Variants in FANCD2 observed in about 807,000 individuals in gnomAD.
FANCD2 encodes Fanconi anemia group D2 protein.
FANCD2 carries 131 observed loss-of-function variants against 192.3 expected under a neutral mutation model. The observed-to-expected ratio is 0.68, with a 90% CI of 0.59 to 0.79. FANCD2 has a LOEUF of 0.79. FANCD2 is among the 30% of genes least tolerant of loss of function. The probability of loss-of-function intolerance (pLI) is 0.00; values close to 1 mark genes in which losing one functional copy is unlikely to be tolerated. For missense variants in FANCD2, 1,508 were observed against 1,701.6 expected, an observed-to-expected ratio of 0.89 and a Z score of 2.00; for synonymous variants, 524 against 612.5, an observed-to-expected ratio of 0.86 and a Z score of 2.13.
intron 6 of FANCD2, 88 bp downstream of exon 6, chr3:10,035,321 T>G: frequency 2.6e-6 from 3 of 1,171,914 alleles, no homozygotes; most frequent in Non-Finnish European, 3.8e-6. Context: ...CAGGATAGAG[T>G]AGGGTTAATT....
chr3:10,059,491 C>T (rs1393569705), intron 18 of FANCD2, among the ~76,000 whole-genome samples: 3 of 152,064 alleles, frequency 2.0e-5, no homozygotes, highest in South Asian at 2.1e-4. Context: ...TATAATGTAT[C>T]GCTAATCCTT....
At position 10,096,415 on chromosome 3, in the gene FANCD2, T is replaced by C. The variant is rs1361560844; in HGVS notation, c.4128T>C (p.Thr1376=). The change falls in exon 42 of 44, where the codon ACT becomes ACC. Residue 1376 remains threonine (T), a synonymous_variant. Coordinates refer to ENST00000675286, the MANE Select transcript of FANCD2 (RefSeq NM_001018115.3). ...LLVCRVKAML[T]LNNCREAFWL... is the part of the protein sequence containing the mutation. The stretch of plus-strand genomic sequence containing the variant: ...TTTGCAGAGTCAAAGCTATGCTCAC[T>C]CTCAACAATTGTAGAGAGGCTTTCT... 2 of 1,614,158 alleles carry C rather than the reference T, an allele frequency of 1.2e-6. No individual in the cohort carries two copies. Among genetic ancestry groups the C allele is most frequent in the South Asian group, 2.2e-5 (2 of 91,082 alleles).
At chr3:10,082,797 G>T (rs551310765) in intron 32 of FANCD2, among the ~76,000 whole-genome samples, 1 of 152,194 alleles carries the variant, frequency 6.6e-6, no homozygotes, top group East Asian at 1.9e-4. Flanking sequence ...ATAATTACTT[G>T]TTCATCAGTC....
intron 28 of FANCD2, 122 bp from the exon 29 acceptor site, chr3:10,074,408 T>C (rs1185513765): frequency 6.8e-6 from 6 of 886,254 alleles, no homozygotes; most frequent in South Asian, 5.1e-5. Flanking sequence ...GAAGTTGTTA[T>C]TATAATGAAA....
rs1354555689 is a variant in FANCD2 at position 10,064,334 on chromosome 3, T to C, written c.1948-22T>C. ...AGCAAGTACACTCTGCACTGCCCTT[T>C]TTGTTTGTTTGCTTCCTGAAGGAAT... On this transcript the variant is annotated intron_variant, in intron 21 of 43. Coordinates refer to ENST00000675286, the MANE Select transcript of FANCD2 (RefSeq NM_001018115.3). The C allele has an allele frequency of 5.1e-6, 8 of 1,563,582 alleles. No homozygotes were observed. The African/African-American group carries it at 6.8e-5, about 13-fold the overall frequency.
At chr3:10,081,038 A>T in intron 30 of FANCD2, 62 bp from the exon 31 acceptor site, 1 of 1,604,360 alleles carries the variant, frequency 6.2e-7, no homozygotes, top group Non-Finnish European at 8.5e-7. Context: ...TCCATTGCGA[A>T]CCCTTAGTTT....
chr3:10,096,387 T>C lies in FANCD2; in HGVS notation c.4100T>C (p.Leu1367Ser), dbSNP rs765840374. Residue 1367 changes from leucine to serine, a missense_variant, in exon 42 of 44, where the codon TTA becomes TCA. By Grantham distance (145) the Leu-to-Ser change is moderately radical. This residue lies in a region of FANCD2 where 796 missense variants were observed against 879.4 expected (regional missense o/e 0.91). Transcript: ENST00000675286. ...VPLLKKTLELLVCRVKAMLTL... is the reference protein window; with the variant it reads ...VPLLKKTLELSVCRVKAMLTL... ...CTGCTCAAAAAGACCCTGGAACTTTTAGTTTGCAGAGTCAAAGCTATGCTC... is the reference window on the plus strand; with the variant it reads ...CTGCTCAAAAAGACCCTGGAACTTTCAGTTTGCAGAGTCAAAGCTATGCTC... 1.2e-6 allele frequency: 2 copies of C among 1,614,096 alleles called. No homozygotes were observed. Among genetic ancestry groups the C allele is most frequent in the Non-Finnish European group, 1.7e-6 (2 of 1,179,928 alleles).
intron 17 of FANCD2, 119 bp from the exon 18 acceptor site, chr3:10,052,267 TA>T: frequency 2.8e-6 from 2 of 713,830 alleles, no homozygotes; most frequent in Non-Finnish European, 2.5e-6. Context: ...TTAAGGGAGC[TA>T]AAAAGTTTTA....
intron 40 of FANCD2, 80 bp downstream of exon 40, chr3:10,094,443 G>T (rs559937725): frequency 1.6e-6 from 2 of 1,225,014 alleles, no homozygotes; most frequent in Non-Finnish European, 2.4e-6. Flanking sequence ...CCTGGGTGGG[G>T]CTGGGAGTGT....
intron 19 of FANCD2, 109 bp from the exon 20 acceptor site, chr3:10,062,042 C>T (rs1485470004): frequency 4.2e-6 from 3 of 716,524 alleles, no homozygotes; most frequent in Non-Finnish European, 7.1e-6. Flanking sequence ...ATGGGTGCAG[C>T]ACACCAACAT....
chr3:10,078,004 A>T, intron 29 of FANCD2, 77 bp from the exon 30 acceptor site: 1 of 1,059,842 alleles, frequency 9.4e-7, no homozygotes, highest in Non-Finnish European at 1.5e-6. Flanking sequence ...CTGCACATTT[A>T]ACAAAAAAGA....
At position 10,101,377 on chromosome 3, in the gene FANCD2, C is replaced by CTTTTTTTTTTTT. The variant is rs950337384; in HGVS notation, c.*129_*140dup. ...ACTGGTAGGATCCTTTTTTGTTCCT[C>CTTTTTTTTTTTT]TTTTTTTTTTTTTTTTTTTTTTTTT... On this transcript the variant is annotated 3_prime_UTR_variant, in exon 44 of 44. Transcript: ENST00000675286. 2 of 388,516 alleles carry CTTTTTTTTTTTT rather than the reference C, an allele frequency of 5.1e-6. No homozygotes were observed. Among genetic ancestry groups the CTTTTTTTTTTTT allele is most frequent in the African/African-American group, 3.0e-5 (1 of 33,748 alleles). The allele number at this position is 388,516 out of a possible 1,614,324, so 24.1% of individuals were successfully genotyped here. A position where few individuals can be genotyped will look rare whatever the true frequency, so the allele number is the denominator to read the frequency against.
chr3:10,092,277 A>G (rs1694662900), intron 38 of FANCD2, 25 bp downstream of exon 38: 1 of 1,545,138 alleles, frequency 6.5e-7, no homozygotes, highest in Non-Finnish European at 8.9e-7. Context: ...TGCTTGACAC[A>G]TCTCACCAAA....
intron 43 of FANCD2, chr3:10,099,339 C>A: frequency 8.3e-7 from 1 of 1,201,632 alleles, no homozygotes; most frequent in Non-Finnish European, 1.0e-6. Flanking sequence ...AAAATGTAGA[C>A]ATGGCTGGCG....
chr3:10,039,683 G>A (rs1181689118), intron 8 of FANCD2, 38 bp from the exon 9 acceptor site: 1 of 1,612,976 alleles, frequency 6.2e-7, no homozygotes, highest in East Asian at 2.2e-5. Context: ...TTTATTCTGG[G>A]TAATGTGCTG....
chr3:10,043,777 G>A (rs369761534), intron 13 of FANCD2, 52 bp from the exon 14 acceptor site: 63 of 1,532,912 alleles, frequency 4.1e-5, no homozygotes, highest in Non-Finnish European at 4.4e-5. Context: ...AAGGTGTAAC[G>A]TGTTTCGCTG....
At chr3:10,092,411 A>G (rs1002287730) in intron 38 of FANCD2, among the ~76,000 whole-genome samples, 159 bp downstream of exon 38, 3 of 148,738 alleles carry the variant, frequency 2.0e-5, no homozygotes, top group African/African-American at 7.6e-5. Flanking sequence ...CATCCTGGAT[A>G]ACCCCTTTTC....
intron 30 of FANCD2, among the ~76,000 whole-genome samples, chr3:10,078,654 T>C (rs2125055456): frequency 6.8e-6 from 1 of 147,348 alleles, no homozygotes; most frequent in South Asian, 2.4e-4. Flanking sequence ...GCGCCCGGCC[T>C]CATCTTGCTT....
At chr3:10,026,994 C>G (rs918088499) in intron 1 of FANCD2, among the ~76,000 whole-genome samples, 8 of 152,172 alleles carry the variant, frequency 5.3e-5, no homozygotes, top group African/African-American at 1.9e-4. Flanking sequence ...GTTAGAATCC[C>G]AGTTCTGCCC....
Sources: gnomAD v4.1 joint callset for allele counts (sites outside exome capture counted in the v4.1 genomes callset) on GRCh38, gnomAD v4.1.1 for gene constraint, gnomAD v4.1.1 regional missense constraint, MANE v1.5 for transcripts, NCBI Gene and HGNC (gene_info 2026-07-23, HGNC 2026-07-21) for gene names.